CEACAM21: variants seen among roughly 807,000 people sequenced by gnomAD.
CEACAM21 encodes the protein CEA cell adhesion molecule 21.
CEACAM21 carries 38 observed loss-of-function variants against 33.2 expected under a neutral mutation model. The ratio of observed to expected loss-of-function variants is 1.14; its 90% confidence interval spans 0.88 to 1.50. The LOEUF (loss-of-function observed/expected upper bound fraction) is 1.50. Among genes scored for constraint, CEACAM21 ranks in the 40% most tolerant of loss-of-function variants. CEACAM21 has a pLI of 0.00. For synonymous variants in CEACAM21, 156 were observed against 143.0 expected (o/e 1.09, Z -0.65); for missense variants, 385 against 364.6 (o/e 1.06, Z -0.46).
intron 2 of CEACAM21, among the ~76,000 whole-genome samples, chr19:41,569,077 G>C (rs371364983): frequency 6.6e-6 from 1 of 152,222 alleles, no homozygotes; most frequent in African/African-American, 2.4e-5. Flanking sequence ...AAAAATTTTA[G>C]CAGTAGATAG....
intron 2 of CEACAM21, among the ~76,000 whole-genome samples, chr19:41,577,807 A>G (rs944853958): frequency 8.5e-5 from 13 of 152,170 alleles, no homozygotes; most frequent in African/African-American, 2.9e-4. Flanking sequence ...GCAGCGGGGG[A>G]AAATCAGTCT....
At chr19:41,568,219 C>T (rs1454480859) in intron 2 of CEACAM21, among the ~76,000 whole-genome samples, 25 of 151,912 alleles carry the variant, frequency 1.6e-4, no homozygotes, top group Admixed American at 1.6e-3. Flanking sequence ...ATTCTCCTCC[C>T]ATTTGTAGGT....
At chr19:41,558,905 G>A (rs1383873168) in intron 1 of CEACAM21, among the ~76,000 whole-genome samples, 1 of 152,122 alleles carries the variant, frequency 6.6e-6, no homozygotes, top group Non-Finnish European at 1.5e-5. Context: ...AAACTTTCAT[G>A]GTAAAATTTC....
intron 3 of CEACAM21, among the ~76,000 whole-genome samples, chr19:41,580,312 G>C (rs2058149): frequency 0.22 from 32,732 of 151,594 alleles, 3,841 homozygotes; most frequent in African/African-American, 0.31. Context: ...AAATGTGATG[G>C]GGGGGGGTTT....
intron 2 of CEACAM21, among the ~76,000 whole-genome samples, chr19:41,567,725 T>A (rs1013230605): frequency 2.0e-5 from 3 of 152,166 alleles, no homozygotes; most frequent in Non-Finnish European, 2.9e-5. Flanking sequence ...TGCTAGCTCA[T>A]ATCATTGTAA....
At chr19:41,562,359 A>G (rs187844990) in intron 1 of CEACAM21, among the ~76,000 whole-genome samples, 278 of 152,300 alleles carry the variant, frequency 1.8e-3, no homozygotes, top group African/African-American at 6.4e-3. Context: ...TGTGCAGCAC[A>G]TACAGTTGAC....
chr19:41,572,005 C>A (rs537327696), upstream of CEACAM21, among the ~76,000 whole-genome samples: 2 of 149,938 alleles, frequency 1.3e-5, no homozygotes, highest in Non-Finnish European at 3.0e-5. Flanking sequence ...AAAAGTGATT[C>A]TCTACTCTAT....
At chr19:41,575,044 A>G (rs1427060242), upstream of CEACAM21, among the ~76,000 whole-genome samples, 1 of 152,260 alleles carries the variant, frequency 6.6e-6, no homozygotes, top group African/African-American at 2.4e-5. Flanking sequence ...TACGACGTGG[A>G]TGAATCTTAA....
exon 2 of CEACAM21, chr19:41,564,813 T>A (rs3745938): frequency 6.6e-6 from 1 of 152,086 alleles, no homozygotes; most frequent in Non-Finnish European, 1.5e-5. Flanking sequence ...AGTCACGGTT[T>A]CTCCTCCGTT....
chr19:41,578,657 G>C (rs2043136799), intron 2 of CEACAM21, among the ~76,000 whole-genome samples: 1 of 152,172 alleles, frequency 6.6e-6, no homozygotes, highest in Non-Finnish European at 1.5e-5. Context: ...CGGGCAAATG[G>C]AGAATTAGTC....
upstream of CEACAM21, among the ~76,000 whole-genome samples, chr19:41,571,301 T>G (rs2042598676): frequency 6.6e-6 from 1 of 152,324 alleles, no homozygotes; most frequent in African/African-American, 2.4e-5. Context: ...AAAATGGCTT[T>G]CATTTATTCC....
At chr19:41,579,683 AG>A (rs1162284826) in intron 3 of CEACAM21, 55 bp downstream of exon 3, 118 of 1,160,220 alleles carry the variant, frequency 1.0e-4, no homozygotes, top group Middle Eastern at 2.9e-4. Context: ...CCTAGGAGGG[AG>A]GGGGGGTGTA....
chr19:41,577,260 C>A lies in CEACAM21; in HGVS notation c.125C>A (p.Pro42His). ...TTAWLFIASA[P>H]FEVAEGENVH... ...GCCTGGCTCTTTATTGCATCAGCGC[C>A]CTTTGAAGTTGCTGAAGGGGAGAAT... The change falls in exon 2 of 7, where the codon CCC becomes CAC. Residue 42 changes from proline (P) to histidine (H), a missense_variant. Physicochemically the swap from Pro to His is moderately conservative, Grantham distance 77. Coordinates refer to ENST00000401445, the MANE Select transcript of CEACAM21 (RefSeq NM_001098506.4). 1 of 1,614,144 alleles carries A rather than the reference C, an allele frequency of 6.2e-7. No homozygotes were observed.
In CEACAM21 at chr19:41,557,386, C is replaced by T. The variant is rs182017331; in HGVS notation, c.-778-7296C>T. ...TTATATCTCCTAATCCAGTTTTACC[C>T]CAAGCCTTTGTTCCTGGGTGAGCCA... On this transcript the variant is annotated intron_variant, in intron 1 of 7. Coordinates refer to the CEACAM21 transcript ENST00000407170. Among the ~76,000 whole-genome samples, 4 of 152,246 alleles carry T rather than the reference C, an allele frequency of 2.6e-5. No individual in the cohort carries two copies. The East Asian group carries it at 7.7e-4, about 29-fold the overall frequency.
chr19:41,559,288 G>A (rs1338063676), intron 1 of CEACAM21, among the ~76,000 whole-genome samples: 2 of 152,152 alleles, frequency 1.3e-5, no homozygotes, highest in African/African-American at 2.4e-5. Context: ...ACCAGAAAAT[G>A]TATCTTTAGA....
chr19:41,572,997 A>G (rs569655980), upstream of CEACAM21, among the ~76,000 whole-genome samples: 13 of 152,058 alleles, frequency 8.5e-5, no homozygotes, highest in Non-Finnish European at 1.6e-4. Context: ...TAAGACCCCA[A>G]CCCTGGGAGG....
At chr19:41,583,556 G>T (rs1245233560) in intron 3 of CEACAM21, among the ~76,000 whole-genome samples, 2 of 152,182 alleles carry the variant, frequency 1.3e-5, no homozygotes, top group Admixed American at 1.3e-4. Flanking sequence ...AGGTTTAATT[G>T]ATTCACAATT....
chr19:41,583,889 A>G (rs1456175371), intron 3 of CEACAM21, among the ~76,000 whole-genome samples: 1 of 151,786 alleles, frequency 6.6e-6, no homozygotes, highest in African/African-American at 2.4e-5. Flanking sequence ...CCTCAAGGCA[A>G]TGGGAGGGTG....
chr19:41,577,387 A>AGAT lies in CEACAM21; in HGVS notation c.254_255insTGA (p.Asp85dup), dbSNP rs1568606734. 1.9e-6 allele frequency: 3 copies of AGAT among 1,613,988 alleles called. No individual in the cohort carries two copies. Among genetic ancestry groups the AGAT allele is most frequent in the East Asian group, 4.5e-5 (2 of 44,860 alleles). On this transcript the variant is annotated inframe_insertion, in exon 2 of 7. Coordinates refer to ENST00000401445, the MANE Select transcript of CEACAM21 (RefSeq NM_001098506.4). The stretch of plus-strand genomic sequence containing the variant: ...ACCAGCTAATCGCAGCATATGTAAT[A>AGAT]GACACTCACGTTAGGACTCCAGGGC...
Sources: gnomAD v4.1 joint callset for allele counts (sites outside exome capture counted in the v4.1 genomes callset) on GRCh38, gnomAD v4.1.1 for gene constraint, MANE v1.5 for transcripts, NCBI Gene and HGNC (gene_info 2026-07-23, HGNC 2026-07-21) for gene names.